Variants in POLE2 observed in about 807,000 individuals in gnomAD.
POLE2 encodes the protein DNA polymerase epsilon 2, accessory subunit, also known as DNA polymerase epsilon subunit 2.
In POLE2, 56 loss-of-function variants were observed where a neutral mutation model predicts 79.4. The observed-to-expected ratio is 0.71, with a 90% CI of 0.57 to 0.88. The LOEUF is 0.88. POLE2 is among the 40% of genes least tolerant of loss of function. The pLI, the probability that POLE2 is intolerant of heterozygous loss-of-function variation, is 0.00. For missense variants in POLE2, 598 were observed against 638.9 expected, an observed-to-expected ratio of 0.94 and a Z score of 0.69; for synonymous variants, 212 against 214.0, an observed-to-expected ratio of 0.99 and a Z score of 0.08.
In POLE2 at chr14:49,643,647, G is replaced by A. The variant is rs3218799; in HGVS notation, c.*5C>T. ...TGAATTTTCTTCAGATGATCTTTAA[G>A]AATCTCAAAAGCCTTGAAGTTTGCT... On this transcript the variant is annotated 3_prime_UTR_variant, in exon 19 of 19. Coordinates refer to ENST00000216367, the MANE Select transcript of POLE2 (RefSeq NM_002692.4). 0.025 allele frequency: 35,213 copies of A among 1,392,724 alleles called. 524 individuals are homozygous for A. The highest frequency in any genetic ancestry group is 0.046 in the Middle Eastern group (259 of 5,600). 86.3% of individuals were successfully genotyped at this position (1,392,724 alleles called of 1,614,324 possible).
intron 16 of POLE2, 58 bp downstream of exon 16, chr14:49,651,210 AT>A (rs1163594443): frequency 2.7e-6 from 2 of 738,460 alleles, no homozygotes; most frequent in Non-Finnish European, 4.8e-6. Context: ...AAGTGGCTTA[AT>A]AAAATTTTAT....
intron 17 of POLE2, among the ~76,000 whole-genome samples, chr14:49,649,188 C>T (rs542794780): frequency 7.2e-6 from 1 of 139,688 alleles, no homozygotes; most frequent in Non-Finnish European, 1.5e-5. Context: ...GCTCAGCTGC[C>T]CAGGCTGGAG....
At chr14:49,667,495 T>A (rs1885571069) in intron 6 of POLE2, among the ~76,000 whole-genome samples, 1 of 151,700 alleles carries the variant, frequency 6.6e-6, no homozygotes, top group Admixed American at 6.6e-5. Context: ...TTTCTACTAA[T>A]AAAAACAATG....
chr14:49,651,500 CAG>C, intron 15 of POLE2, 123 bp from the exon 16 acceptor site: 2 of 517,608 alleles, frequency 3.9e-6, no homozygotes, highest in Non-Finnish European at 7.0e-6. Flanking sequence ...AAACTTCAAC[CAG>C]AGTCTGTCTA....
chr14:49,649,622 G>C lies in POLE2; in HGVS notation c.1497+643C>G, dbSNP rs551312884. ...GCACCACCACGCCCAGCTAATTATT[G>C]TAATTTTTAGTAGAGACGGGGTTTC... On this transcript the variant is annotated intron_variant, in intron 17 of 18. Transcript: ENST00000216367. Among the ~76,000 whole-genome samples the C allele has an allele frequency of 1.3e-4, 19 of 148,956 alleles. No homozygotes were observed. In the East Asian group the frequency reaches 3.6e-3, roughly 28 times the overall value.
At chr14:49,660,551 C>T (rs1177733846) in intron 10 of POLE2, among the ~76,000 whole-genome samples, 1 of 151,872 alleles carries the variant, frequency 6.6e-6, no homozygotes, top group Admixed American at 6.6e-5. Context: ...ATGCAGCATA[C>T]TGGCTTGAGT....
Position 49,643,620 on chromosome 14 carries a change from G to C in POLE2, c.*32C>G, listed in dbSNP as rs942549641. 4.0e-6 allele frequency: 5 copies of C among 1,238,164 alleles called. No individual in the cohort carries two copies. The highest frequency in any genetic ancestry group is 5.8e-6 in the Non-Finnish European group (5 of 865,436). The allele number at this position is 1,238,164 out of a possible 1,614,324, so 76.7% of individuals were successfully genotyped here. A position where few individuals can be genotyped will look rare whatever the true frequency, so the allele number is the denominator to read the frequency against. On this transcript the variant is annotated 3_prime_UTR_variant, in exon 19 of 19. Transcript: ENST00000216367. ...AAGATATAGAGTTAAGCAGAAAACT[G>C]ATGAATTTTCTTCAGATGATCTTTA...
chr14:49,663,590 T>C (rs565794426), intron 9 of POLE2, among the ~76,000 whole-genome samples: 30 of 152,332 alleles, frequency 2.0e-4, no homozygotes, highest in African/African-American at 7.0e-4. Context: ...TAGAAATAGA[T>C]TCAGAACTTT....
intron 17 of POLE2, among the ~76,000 whole-genome samples, 163 bp from the exon 18 acceptor site, chr14:49,647,523 A>G (rs183901769): frequency 2.0e-5 from 3 of 151,946 alleles, no homozygotes; most frequent in African/African-American, 7.2e-5. Flanking sequence ...CAGTGGGGCA[A>G]TCTCACTGCA....
chr14:49,655,669 A>G lies in POLE2; in HGVS notation c.928+2T>C, dbSNP rs1211980553. On this transcript the variant is annotated splice_donor_variant, in intron 11 of 18. Coordinates refer to ENST00000216367, the MANE Select transcript of POLE2 (RefSeq NM_002692.4). LOFTEE classifies it high-confidence loss of function. The stretch of plus-strand genomic sequence containing the variant: ...AGAAAGAAGAAAAAAAATAAGACCT[A>G]CCAGCAAACATTATGCGAAGTTTTT... 6.2e-7 allele frequency: 1 copy of G among 1,601,168 alleles called. No homozygotes were observed. Among genetic ancestry groups the G allele is most frequent in the Non-Finnish European group, 8.5e-7 (1 of 1,175,098 alleles).
At chr14:49,659,817 C>T (rs1196938907) in intron 10 of POLE2, among the ~76,000 whole-genome samples, 2 of 152,110 alleles carry the variant, frequency 1.3e-5, no homozygotes, top group Admixed American at 6.6e-5. Context: ...AAACTCCTGG[C>T]CTTAAGCAAC....
chr14:49,678,472 T>C (rs1886467559), intron 3 of POLE2, among the ~76,000 whole-genome samples: 4 of 152,152 alleles, frequency 2.6e-5, no homozygotes, highest in African/African-American at 2.4e-5. Context: ...AGCAAGAGAA[T>C]GTATAAACAG....
intron 18 of POLE2, chr14:49,646,802 G>C (rs1883810586): frequency 6.6e-6 from 1 of 152,306 alleles, no homozygotes; most frequent in Admixed American, 6.5e-5. Context: ...AAGGACCCCA[G>C]AGGATTCTGA....
intron 9 of POLE2, among the ~76,000 whole-genome samples, chr14:49,663,659 C>T (rs750618856): frequency 6.6e-6 from 1 of 152,092 alleles, no homozygotes; most frequent in South Asian, 2.1e-4. Context: ...CATTTTATGG[C>T]CCTATATAAA....
intron 10 of POLE2, among the ~76,000 whole-genome samples, chr14:49,660,227 C>CT (rs1320436249): frequency 6.6e-6 from 1 of 152,202 alleles, no homozygotes; most frequent in Admixed American, 6.5e-5. Flanking sequence ...AAGCAACAGG[C>CT]TGTACCATAC....
intron 3 of POLE2, among the ~76,000 whole-genome samples, chr14:49,675,943 G>A (rs1332958451): frequency 3.3e-5 from 5 of 151,208 alleles, no homozygotes; most frequent in South Asian, 2.1e-4. Flanking sequence ...TAGTAGAGAC[G>A]GGTTTTCACT....
intron 18 of POLE2, among the ~76,000 whole-genome samples, chr14:49,645,702 CCT>C (rs1346767593): frequency 6.6e-6 from 1 of 152,158 alleles, no homozygotes; most frequent in African/African-American, 2.4e-5. Flanking sequence ...TTCACTGCAA[CCT>C]CTGACTCCCG....
chr14:49,673,967 T>C (rs762847617), intron 5 of POLE2, among the ~76,000 whole-genome samples, 156 bp downstream of exon 5: 5 of 152,192 alleles, frequency 3.3e-5, no homozygotes, highest in African/African-American at 4.8e-5. Flanking sequence ...CTACACAGTC[T>C]CAATCACAGA....
intron 3 of POLE2, chr14:49,677,720 G>A: frequency 1.4e-6 from 2 of 1,386,626 alleles, no homozygotes; most frequent in Non-Finnish European, 2.0e-6. Flanking sequence ...GGCCCTTGCT[G>A]TGCAGAACCA....
Sources: gnomAD v4.1 joint callset for allele counts (sites outside exome capture counted in the v4.1 genomes callset) on GRCh38, gnomAD v4.1.1 for gene constraint, MANE v1.5 for transcripts, NCBI Gene and HGNC (gene_info 2026-07-23, HGNC 2026-07-21) for gene names.